The following SYCP2L variants were observed in gnomAD, a reference collection of about 807,000 sequenced individuals.
SYCP2L encodes synaptonemal complex protein 2 like.
Under a neutral mutation model 125.8 loss-of-function variants are expected in SYCP2L, and 98 were observed. The observed-to-expected ratio is 0.78, with a 90% CI of 0.66 to 0.92. The LOEUF (loss-of-function observed/expected upper bound fraction) is 0.92, where lower values mean the gene tolerates loss of function less well. SYCP2L is among the 40% of genes least tolerant of loss of function. The pLI is 0.00. For missense variants in SYCP2L, 842 were observed against 936.4 expected (o/e 0.90, Z 1.32); for synonymous variants, 317 against 325.4 (o/e 0.97, Z 0.28).
At chr6:10,962,164 A>AAT (rs1326923688) in intron 28 of SYCP2L, among the ~76,000 whole-genome samples, 1 of 151,926 alleles carries the variant, frequency 6.6e-6, no homozygotes, top group East Asian at 1.9e-4. Flanking sequence ...AATCAAAAGG[A>AAT]ATCCCCATAT....
rs1781820585 is a variant in SYCP2L, at chr6:10,974,211, T to C, written c.*297T>C. 9.0e-6 allele frequency: 1 copy of C among 110,586 alleles called. No individual in the cohort carries two copies. Among genetic ancestry groups the C allele is most frequent in the Non-Finnish European group, 1.8e-5 (1 of 55,818 alleles). 6.9% of individuals were successfully genotyped at this position (110,586 alleles called of 1,614,324 possible). ...CAGGATGTTAAACAACTTGGAGTGG[T>C]GTTGCTTTTTTTTTATAAAAGTAAA... is the stretch of plus-strand genomic sequence containing the variant. On this transcript the variant is annotated 3_prime_UTR_variant, in exon 30 of 30. Transcript: ENST00000283141.
chr6:10,926,871 CT>C (rs1021562117), intron 16 of SYCP2L, among the ~76,000 whole-genome samples: 67 of 152,018 alleles, frequency 4.4e-4, no homozygotes, highest in African/African-American at 1.6e-3. Context: ...CCTCTGCCTC[CT>C]AGGTTTAAGC....
rs1161541653 is a variant in SYCP2L at position 10,954,613 on chromosome 6, A to G, written c.1955-503A>G. Among the ~76,000 whole-genome samples the G allele has an allele frequency of 6.6e-6, 1 of 152,338 alleles. No homozygotes were observed. The highest frequency in any genetic ancestry group is 2.1e-4 in the South Asian group (1 of 4,828). ...TTATGCTGAATTGAAATGGGAATCT[A>G]TGTTCGAGTCTCTCAAAATCACTTG... On this transcript the variant is annotated intron_variant, in intron 23 of 29. Coordinates refer to ENST00000283141, the MANE Select transcript of SYCP2L (RefSeq NM_001040274.3). The surrounding 1 kb of genome is among the most constrained non-coding windows in gnomAD (Gnocchi z 4.8).
At chr6:10,928,648 C>T (rs368957132) in intron 18 of SYCP2L, among the ~76,000 whole-genome samples, 198 bp downstream of exon 18, 1 of 152,360 alleles carries the variant, frequency 6.6e-6, no homozygotes, top group African/African-American at 2.4e-5. Flanking sequence ...ATGTGATCCT[C>T]CCGCTTCAGC....
In SYCP2L at chr6:10,926,581, G is replaced by C. The variant is rs1561689923; in HGVS notation, c.1312+149G>C. ...AGGAAGAAGAGTTGCTGATAGCCTTGAATTGTTTTCTACACCTGTTAAGGT... is the reference window on the plus strand; with the variant it reads ...AGGAAGAAGAGTTGCTGATAGCCTTCAATTGTTTTCTACACCTGTTAAGGT... On this transcript the variant is annotated intron_variant, in intron 16 of 29. Coordinates refer to ENST00000283141, the MANE Select transcript of SYCP2L (RefSeq NM_001040274.3). 3.1e-5 allele frequency: 19 copies of C among 604,648 alleles called. No individual in the cohort carries two copies. In the East Asian group the frequency reaches 4.4e-4, roughly 14 times the overall value. 37.5% of individuals were successfully genotyped at this position (604,648 alleles called of 1,614,324 possible).
intron 14 of SYCP2L, among the ~76,000 whole-genome samples, chr6:10,915,170 A>T (rs187909863): frequency 6.6e-5 from 10 of 152,164 alleles, no homozygotes; most frequent in Non-Finnish European, 1.5e-4. Flanking sequence ...CATTAATTTT[A>T]TATCTGGAAA....
chr6:10,907,641 T>C lies in SYCP2L; in HGVS notation c.776T>C (p.Ile259Thr). 2 of 1,613,000 alleles carry C rather than the reference T, an allele frequency of 1.2e-6. No homozygotes were observed. Among genetic ancestry groups the C allele is most frequent in the South Asian group, 1.1e-5 (1 of 90,858 alleles). ...LVHKWFDDEV[I>T]AEAFKEIKDR... is the part of the protein sequence containing the mutation. ...CATAAATGGTTTGATGATGAAGTCA[T>C]TGCTGAAGCTTTCAAAGAAATTAAG... Residue 259 changes from isoleucine to threonine, a missense_variant, in exon 10 of 30, where the codon ATT becomes ACT. Ile to Thr is a moderately conservative substitution (Grantham distance 89). Coordinates refer to ENST00000283141, the MANE Select transcript of SYCP2L (RefSeq NM_001040274.3).
chr6:10,930,553 T>C (rs1402760372), intron 19 of SYCP2L, 39 bp downstream of exon 19: 2 of 1,579,970 alleles, frequency 1.3e-6, no homozygotes, highest in Non-Finnish European at 1.7e-6. Context: ...ACTTTTCAAA[T>C]AGTGATTTTC....
chr6:10,958,936 C>G, intron 26 of SYCP2L, 61 bp downstream of exon 26: 1 of 1,426,656 alleles, frequency 7.0e-7, no homozygotes, highest in Non-Finnish European at 9.8e-7. Context: ...CAGCGTTTAT[C>G]TCATGACCAC....
At chr6:10,971,920 C>T (rs1016614194) in intron 29 of SYCP2L, among the ~76,000 whole-genome samples, 6 of 152,148 alleles carry the variant, frequency 3.9e-5, no homozygotes, top group African/African-American at 1.4e-4. Context: ...AGGTGATCCA[C>T]CCACTTTGGC....
At chr6:10,925,374 G>C (rs1469716333) in intron 15 of SYCP2L, among the ~76,000 whole-genome samples, 2 of 152,200 alleles carry the variant, frequency 1.3e-5, no homozygotes, top group Admixed American at 1.3e-4. Context: ...TAAAGTTTCT[G>C]AGGGACTTTT....
chr6:10,908,000 T>G (rs1780531903), intron 10 of SYCP2L, among the ~76,000 whole-genome samples: 1 of 148,534 alleles, frequency 6.7e-6, no homozygotes, highest in Non-Finnish European at 1.5e-5. Flanking sequence ...GTGATTCTCC[T>G]GCCTCAGCAT....
rs185137386 is a variant in SYCP2L, at chr6:10,927,690, A to G, written c.1440+323A>G. 3.3e-5 allele frequency among the ~76,000 whole-genome samples: 5 copies of G among 152,328 alleles called. No individual in the cohort carries two copies. In the East Asian group the frequency reaches 7.7e-4, roughly 24 times the overall value. On this transcript the variant is annotated intron_variant, in intron 17 of 29. Coordinates refer to ENST00000283141, the MANE Select transcript of SYCP2L (RefSeq NM_001040274.3). Reference sequence around the variant, plus strand: ...AATTGCTAATGAAGTTTCGGGCACCATTGTCATCAATAACATCGTATCAGG... The same window carrying G: ...AATTGCTAATGAAGTTTCGGGCACCGTTGTCATCAATAACATCGTATCAGG...
intron 21 of SYCP2L, among the ~76,000 whole-genome samples, chr6:10,937,757 A>C (rs530027562): frequency 1.3e-5 from 2 of 152,316 alleles, no homozygotes; most frequent in East Asian, 3.9e-4. Flanking sequence ...ACAGAACTAC[A>C]AAGGATCATA....
intron 29 of SYCP2L, among the ~76,000 whole-genome samples, chr6:10,967,611 A>G (rs565017909): frequency 2.0e-5 from 3 of 152,310 alleles, no homozygotes. Context: ...GAATAACCAC[A>G]TACTTATTCT....
chr6:10,890,576 G>C (rs1056054895), intron 1 of SYCP2L, among the ~76,000 whole-genome samples: 1 of 152,042 alleles, frequency 6.6e-6, no homozygotes, highest in African/African-American at 2.4e-5. Flanking sequence ...TGAGTTCCCT[G>C]TATATTCTAG....
intron 28 of SYCP2L, among the ~76,000 whole-genome samples, chr6:10,963,154 C>T (rs1781621309): frequency 6.6e-6 from 1 of 152,180 alleles, no homozygotes; most frequent in South Asian, 2.1e-4. Context: ...GATAACAGGT[C>T]CCTGTGTGAA....
intron 29 of SYCP2L, among the ~76,000 whole-genome samples, chr6:10,966,167 C>T (rs527455983): frequency 6.6e-6 from 1 of 152,096 alleles, no homozygotes; most frequent in Admixed American, 6.5e-5. Flanking sequence ...CACCAAAATT[C>T]TCAATAAAGT....
chr6:10,947,555 T>C (rs1781336685), intron 23 of SYCP2L, among the ~76,000 whole-genome samples: 1 of 152,094 alleles, frequency 6.6e-6, no homozygotes, highest in Admixed American at 6.5e-5. Flanking sequence ...TAAAATTTGT[T>C]ATTGCTAAAG....
Sources: gnomAD v4.1 joint callset for allele counts (sites outside exome capture counted in the v4.1 genomes callset) on GRCh38, gnomAD v4.1.1 for gene constraint, Gnocchi (gnomAD v3.1) non-coding constraint, MANE v1.5 for transcripts, NCBI Gene and HGNC (gene_info 2026-07-23, HGNC 2026-07-21) for gene names.